The following KSR2 variants were observed in gnomAD, a reference collection of about 807,000 sequenced individuals.
KSR2 encodes the protein kinase suppressor of ras 2.
KSR2 carries 25 observed loss-of-function variants against 107.8 expected under a neutral mutation model. That is an observed-to-expected ratio of 0.23 (90% confidence interval 0.17 to 0.32). The LOEUF (loss-of-function observed/expected upper bound fraction) is 0.32. KSR2 is among the 10% of genes least tolerant of loss of function. The probability of loss-of-function intolerance (pLI) is 1.00; values close to 1 mark genes in which losing one functional copy is unlikely to be tolerated. For synonymous variants in KSR2, 480 were observed against 507.0 expected (o/e 0.95, Z 0.71); for missense variants, 887 against 1,268.9 (o/e 0.70, Z 4.57).
At chr12:117,731,591 G>C (rs1231830518) in intron 4 of KSR2, among the ~76,000 whole-genome samples, 2 of 152,200 alleles carry the variant, frequency 1.3e-5, no homozygotes, top group Non-Finnish European at 2.9e-5. Flanking sequence ...TTGTCGAATA[G>C]AAAAGGGGGA....
chr12:117,600,705 A>G (rs149758075), intron 5 of KSR2, among the ~76,000 whole-genome samples: 160 of 152,300 alleles, frequency 1.1e-3, no homozygotes, highest in Non-Finnish European at 2.1e-3. Context: ...TAAAGGCTGA[A>G]AGGTGTTTTC....
chr12:117,869,348 G>T (rs568256275), intron 1 of KSR2, among the ~76,000 whole-genome samples: 1 of 152,158 alleles, frequency 6.6e-6, no homozygotes, highest in East Asian at 2.0e-4. Context: ...CTCCAGCCTG[G>T]GCGACACAGC....
chr12:117,796,015 C>T (rs1890614405), intron 3 of KSR2, among the ~76,000 whole-genome samples: 1 of 152,228 alleles, frequency 6.6e-6, no homozygotes, highest in Non-Finnish European at 1.5e-5. Context: ...CAGCCTTAAC[C>T]ATCTGGGCTC....
At chr12:117,816,478 G>A (rs1045731789) in intron 3 of KSR2, among the ~76,000 whole-genome samples, 1 of 152,214 alleles carries the variant, frequency 6.6e-6, no homozygotes, top group Non-Finnish European at 1.5e-5. Context: ...ACACCACAAA[G>A]TTTGGAGTGG....
chr12:117,666,165 G>A (rs147240423), intron 5 of KSR2, among the ~76,000 whole-genome samples: 7 of 152,248 alleles, frequency 4.6e-5, no homozygotes, highest in African/African-American at 1.7e-4. Context: ...TGTCCACATG[G>A]TTCATCAGTC....
intron 4 of KSR2, among the ~76,000 whole-genome samples, chr12:117,683,030 T>C (rs1052798146): frequency 3.3e-5 from 5 of 152,050 alleles, no homozygotes; most frequent in African/African-American, 1.2e-4. Flanking sequence ...CAGGCACATA[T>C]ACGTATCAAC....
intron 5 of KSR2, among the ~76,000 whole-genome samples, chr12:117,662,116 C>T (rs1593104828): frequency 6.6e-6 from 1 of 152,240 alleles, no homozygotes; most frequent in Admixed American, 6.5e-5. Context: ...CCAGCACCGA[C>T]CCCAGCTCAT....
intron 3 of KSR2, among the ~76,000 whole-genome samples, chr12:117,820,354 G>A (rs1593268971): frequency 2.6e-5 from 4 of 152,192 alleles, no homozygotes; most frequent in Admixed American, 6.5e-5. Flanking sequence ...TTGGATTAGG[G>A]TCTGGTTCTG....
At chr12:117,910,337 A>G (rs1894975842) in intron 1 of KSR2, among the ~76,000 whole-genome samples, 2 of 152,180 alleles carry the variant, frequency 1.3e-5, no homozygotes, top group South Asian at 4.1e-4. Flanking sequence ...ATTAACCAAG[A>G]GAGAGTGCCC....
rs1316708705 is a variant in KSR2 at position 117,514,541 on chromosome 12, TC to T, written c.2219+10310del. 9.9e-4 allele frequency among the ~76,000 whole-genome samples: 143 copies of T among 144,546 alleles called. 2 individuals are homozygous for T. The South Asian group carries it at 0.018, about 18-fold the overall frequency. 94.8% of individuals were successfully genotyped at this position (144,546 alleles called of 152,430 possible). A position where few individuals can be genotyped will look rare whatever the true frequency, so the allele number is the denominator to read the frequency against. ...TGTCTTTGGTTTCTCTCTCTCTCTCTCTCTTTTTTTTTTTTTTTTTTGAGAC... is the reference window on the plus strand; with the variant it reads ...TGTCTTTGGTTTCTCTCTCTCTCTCTTCTTTTTTTTTTTTTTTTTTGAGAC... On this transcript the variant is annotated intron_variant, in intron 14 of 19. Transcript: ENST00000339824.
intron 5 of KSR2, among the ~76,000 whole-genome samples, chr12:117,667,143 G>T (rs1336425097): frequency 6.6e-6 from 1 of 152,102 alleles, no homozygotes; most frequent in East Asian, 1.9e-4. Flanking sequence ...GGAGAGAGAG[G>T]GCGGGTGCCT....
At chr12:117,763,925 G>A (rs949197190) in intron 3 of KSR2, among the ~76,000 whole-genome samples, 11 of 152,200 alleles carry the variant, frequency 7.2e-5, no homozygotes, top group East Asian at 3.9e-4. Context: ...AGGTAACCAC[G>A]TGGCCACTTC....
chr12:117,575,226 G>A (rs529851705), intron 7 of KSR2, among the ~76,000 whole-genome samples: 2 of 152,194 alleles, frequency 1.3e-5, no homozygotes, highest in South Asian at 2.1e-4. Flanking sequence ...TGTTTCCCCA[G>A]CATCTAGAGT....
At chr12:117,965,658 T>C (rs1343729454) in intron 1 of KSR2, among the ~76,000 whole-genome samples, 1 of 152,202 alleles carries the variant, frequency 6.6e-6, no homozygotes, top group Non-Finnish European at 1.5e-5. Flanking sequence ...AGAGCTGAAA[T>C]ATCACATCTT....
At chr12:117,631,707 G>A (rs1593071064) in intron 5 of KSR2, among the ~76,000 whole-genome samples, 1 of 152,140 alleles carries the variant, frequency 6.6e-6, no homozygotes, top group Non-Finnish European at 1.5e-5. Flanking sequence ...TGTTTGTCAT[G>A]TACTGATCAA....
intron 12 of KSR2, among the ~76,000 whole-genome samples, chr12:117,529,675 T>C (rs1875470055): frequency 6.6e-6 from 1 of 151,724 alleles, no homozygotes; most frequent in South Asian, 2.1e-4. Flanking sequence ...GTTAAGAAAA[T>C]TATTCTACAT....
Position 117,968,230 on chromosome 12 carries a change from C to G in KSR2, c.26G>C (p.Ser9Thr). The change falls in exon 1 of 20, where the codon AGC becomes ACC. Residue 9 changes from serine (S) to threonine (T), a missense_variant. This residue lies in a region of KSR2 where 32 missense variants were observed against 25.9 expected (regional missense o/e 1.23). Transcript: ENST00000339824. ...CAAACTCAGAGGCTGCTGCTCCTCGCTTTTCGTCATGTTTTCCTCATCCAT... is the reference window on the plus strand; with the variant it reads ...CAAACTCAGAGGCTGCTGCTCCTCGGTTTTCGTCATGTTTTCCTCATCCAT... MDEENMTK[S>T]EEQQPLSLQK... 7.3e-7 allele frequency: 1 copy of G among 1,376,742 alleles called. No individual in the cohort carries two copies. Among genetic ancestry groups the G allele is most frequent in the Non-Finnish European group, 9.7e-7 (1 of 1,035,846 alleles). The allele number at this position is 1,376,742 out of a possible 1,614,324, so 85.3% of individuals were successfully genotyped here.
At chr12:117,627,906 A>C (rs1882607217) in intron 5 of KSR2, among the ~76,000 whole-genome samples, 1 of 150,806 alleles carries the variant, frequency 6.6e-6, no homozygotes, top group African/African-American at 2.4e-5. Context: ...ATTTCTTTTT[A>C]CTCTTTTTTC....
chr12:117,874,958 G>C (rs1893785361), intron 1 of KSR2, among the ~76,000 whole-genome samples: 1 of 152,146 alleles, frequency 6.6e-6, no homozygotes, highest in Non-Finnish European at 1.5e-5. Flanking sequence ...GGGTTAGAGG[G>C]ATCACAGGTT....
Sources: gnomAD v4.1 joint callset for allele counts (sites outside exome capture counted in the v4.1 genomes callset) on GRCh38, gnomAD v4.1.1 for gene constraint, gnomAD v4.1.1 regional missense constraint, MANE v1.5 for transcripts, NCBI Gene and HGNC (gene_info 2026-07-23, HGNC 2026-07-21) for gene names.